Variants in LDLRAP1 observed in about 807,000 individuals in gnomAD.
LDLRAP1 encodes low density lipoprotein receptor adaptor protein 1.
LDLRAP1 carries 30 observed loss-of-function variants against 37.8 expected under a neutral mutation model. The ratio of observed to expected loss-of-function variants is 0.79; its 90% CI spans 0.59 to 1.08. LDLRAP1 has a LOEUF of 1.08. Ranked by LOEUF, LDLRAP1 falls within the 50% of genes least tolerant of loss-of-function variation. LDLRAP1 has a pLI of 0.00. For missense variants in LDLRAP1, 375 were observed against 401.6 expected, an observed-to-expected ratio of 0.93 and a Z score of 0.57; for synonymous variants, 156 against 169.8, an observed-to-expected ratio of 0.92 and a Z score of 0.63.
intron 1 of LDLRAP1, among the ~76,000 whole-genome samples, chr1:25,549,726 TC>T (rs2044025712): frequency 6.6e-6 from 1 of 150,940 alleles, no homozygotes; most frequent in African/African-American, 2.5e-5. Flanking sequence ...CAATAAGGCC[TC>T]CGGCTGTGGC....
In LDLRAP1 at chr1:25,568,702, C is replaced by A. The variant is rs1275525364; in HGVS notation, c.*1710C>A. 6.6e-6 allele frequency: 1 copy of A among 152,236 alleles called. No homozygotes were observed. The highest frequency in any genetic ancestry group is 2.1e-4 in the South Asian group (1 of 4,830). The allele number at this position is 152,236 out of a possible 1,614,324, so 9.4% of individuals were successfully genotyped here. A position where few individuals can be genotyped will look rare whatever the true frequency, so the allele number is the denominator to read the frequency against. On this transcript the variant is annotated 3_prime_UTR_variant, in exon 9 of 9. Transcript: ENST00000374338. ...GGCCTGACACAGGCCAGCCTTGGCACGAGGGGGGCCAGGGGTTCTGAGAAG... is the reference window on the plus strand; with the variant it reads ...GGCCTGACACAGGCCAGCCTTGGCAAGAGGGGGGCCAGGGGTTCTGAGAAG...
chr1:25,561,493 G>T (rs899722159), intron 4 of LDLRAP1, among the ~76,000 whole-genome samples: 1 of 152,208 alleles, frequency 6.6e-6, no homozygotes, highest in Non-Finnish European at 1.5e-5. Flanking sequence ...TGAGTTGTCT[G>T]GGGGAGGGCA....
At chr1:25,563,886 C>A in intron 7 of LDLRAP1, 95 bp downstream of exon 7, 1 of 1,546,396 alleles carries the variant, frequency 6.5e-7, no homozygotes, top group Non-Finnish European at 8.8e-7. Context: ...GGACCCGTGA[C>A]TTGTGGGCCT....
At chr1:25,585,527 G>A in the LDLRAP1 span, among the ~76,000 whole-genome samples, 18 of 152,210 alleles carry the variant, frequency 1.2e-4, no homozygotes, top group East Asian at 9.7e-4. Flanking sequence ...GGGTTTCACC[G>A]TGTTAGCCAG....
Position 25,544,921 on chromosome 1 carries a change from G to A in LDLRAP1, c.88+1135G>A, listed in dbSNP as rs2043896665. Among the ~76,000 whole-genome samples, 1 of 152,226 alleles carries A rather than the reference G, an allele frequency of 6.6e-6. No homozygotes were observed. The highest frequency in any genetic ancestry group is 1.5e-5 in the Non-Finnish European group (1 of 68,028). On this transcript the variant is annotated intron_variant, in intron 1 of 8. Transcript: ENST00000374338. The surrounding 1 kb of genome is among the most constrained non-coding windows in gnomAD (Gnocchi z 4.8). Reference sequence around the variant, plus strand: ...GCCCGAGCTCCCTGGTCCAAGGAGTGCCAGCGTGTCTGGGCCTAGAGGGCC... The same window carrying A: ...GCCCGAGCTCCCTGGTCCAAGGAGTACCAGCGTGTCTGGGCCTAGAGGGCC...
rs547580031 is a variant in LDLRAP1 at position 25,562,949 on chromosome 1, C to A, written c.533-121C>A. 8.9e-6 allele frequency: 9 copies of A among 1,005,692 alleles called. No individual in the cohort carries two copies. The South Asian group carries it at 1.0e-4, about 11-fold the overall frequency. 62.3% of individuals were successfully genotyped at this position (1,005,692 alleles called of 1,614,324 possible). ...TGACATCCGAAAGGTTTCTTTCCTC[C>A]CGGCTGGAAACCTGAAACTGCCCCT... On this transcript the variant is annotated intron_variant, in intron 5 of 8. Coordinates refer to ENST00000374338, the MANE Select transcript of LDLRAP1 (RefSeq NM_015627.3).
At chr1:25,590,227 C>G in the LDLRAP1 span, 1 of 152,242 alleles carries the variant, frequency 6.6e-6, no homozygotes, top group Non-Finnish European at 1.5e-5. Context: ...GGAAGAGTCT[C>G]GAAGAATCCT....
the LDLRAP1 span, among the ~76,000 whole-genome samples, chr1:25,575,115 C>T: frequency 3.3e-5 from 5 of 152,160 alleles, no homozygotes; most frequent in South Asian, 4.1e-4. Flanking sequence ...ACCCTTTCTT[C>T]GGGCCGCAAG....
chr1:25,580,702 G>A, the LDLRAP1 span, among the ~76,000 whole-genome samples: 2 of 152,054 alleles, frequency 1.3e-5, no homozygotes, highest in Non-Finnish European at 2.9e-5. Context: ...TGTAGAGATG[G>A]AGCCTCACTA....
intron 7 of LDLRAP1, 107 bp downstream of exon 7, chr1:25,563,898 T>C (rs2044412309): frequency 7.5e-6 from 11 of 1,466,446 alleles, no homozygotes; most frequent in Non-Finnish European, 1.0e-5. Context: ...TGTGGGCCTC[T>C]GGGAGGACCA....
intron 1 of LDLRAP1, among the ~76,000 whole-genome samples, chr1:25,546,953 T>G (rs1228427989): frequency 1.3e-5 from 2 of 152,128 alleles, no homozygotes; most frequent in African/African-American, 4.8e-5. Context: ...TACAGTCTGG[T>G]GCACCACAAC....
At position 25,567,768 on chromosome 1, in the gene LDLRAP1, G is replaced by A. The variant is rs1231553554; in HGVS notation, c.*776G>A. 1 of 152,588 alleles carries A rather than the reference G, an allele frequency of 6.6e-6. No homozygotes were observed. The highest frequency in any genetic ancestry group is 2.1e-4 in the South Asian group (1 of 4,822). 9.5% of individuals were successfully genotyped at this position (152,588 alleles called of 1,614,324 possible). A position where few individuals can be genotyped will look rare whatever the true frequency, so the allele number is the denominator to read the frequency against. On this transcript the variant is annotated 3_prime_UTR_variant, in exon 9 of 9. Coordinates refer to ENST00000374338, the MANE Select transcript of LDLRAP1 (RefSeq NM_015627.3). ...TAACTGGCTGCTCCCTGCTCCCAGG[G>A]ACTGACACGGGGATCATCTCTGTGA...
At chr1:25,576,422 A>C in the LDLRAP1 span, among the ~76,000 whole-genome samples, 1 of 152,134 alleles carries the variant, frequency 6.6e-6, no homozygotes, top group Non-Finnish European at 1.5e-5. Flanking sequence ...GCTACTGGGG[A>C]GGCTGGGGCA....
intron 4 of LDLRAP1, among the ~76,000 whole-genome samples, chr1:25,560,675 G>A (rs1455956903): frequency 6.6e-6 from 1 of 152,260 alleles, no homozygotes; most frequent in Non-Finnish European, 1.5e-5. Flanking sequence ...GCTGCTGGGG[G>A]GCATGTGGCT....
chr1:25,562,930 C>G (rs1324130776), intron 5 of LDLRAP1, 140 bp from the exon 6 acceptor site: 1 of 901,682 alleles, frequency 1.1e-6, no homozygotes, highest in African/African-American at 1.6e-5. Context: ...TAACTGACAT[C>G]CGAAAGGTTT....
chr1:25,559,078 G>A (rs185036619), intron 4 of LDLRAP1, among the ~76,000 whole-genome samples: 1 of 152,324 alleles, frequency 6.6e-6, no homozygotes, highest in Admixed American at 6.5e-5. Context: ...CAGACTCAGT[G>A]TCACTGGCCA....
chr1:25,543,676 G>GGCA lies in LDLRAP1; in HGVS notation c.-21_-20insAGC. ...CTGACGGAGTTTTGGCTGCGGCAGCGGCGGCGGCGGCCGGAGCGGGCCATG... is the reference window on the plus strand; with the variant it reads ...CTGACGGAGTTTTGGCTGCGGCAGCGGCAGCGGCGGCGGCCGGAGCGGGCCATG... On this transcript the variant is annotated 5_prime_UTR_variant, in exon 1 of 9. Coordinates refer to ENST00000374338, the MANE Select transcript of LDLRAP1 (RefSeq NM_015627.3). 1.7e-6 allele frequency: 2 copies of GGCA among 1,192,518 alleles called. No individual in the cohort carries two copies. The highest frequency in any genetic ancestry group is 2.1e-6 in the Non-Finnish European group (2 of 958,638). The allele number at this position is 1,192,518 out of a possible 1,614,324, so 73.9% of individuals were successfully genotyped here.
intron 4 of LDLRAP1, among the ~76,000 whole-genome samples, chr1:25,560,548 G>A (rs528835216): frequency 3.9e-5 from 6 of 152,328 alleles, no homozygotes; most frequent in African/African-American, 1.4e-4. Context: ...CTGATGGTAA[G>A]CAAAGTGCTA....
chr1:25,550,814 C>A (rs567320936), intron 1 of LDLRAP1, among the ~76,000 whole-genome samples: 4 of 152,110 alleles, frequency 2.6e-5, no homozygotes, highest in Middle Eastern at 6.8e-3. Context: ...AAGGGTCAGG[C>A]CAGGGAAGGA....
Sources: gnomAD v4.1 joint callset for allele counts (sites outside exome capture counted in the v4.1 genomes callset) on GRCh38, gnomAD v4.1.1 for gene constraint, Gnocchi (gnomAD v3.1) non-coding constraint, MANE v1.5 for transcripts, NCBI Gene and HGNC (gene_info 2026-07-23, HGNC 2026-07-21) for gene names.